The following PHACTR1 variants were observed in gnomAD, a reference collection of about 807,000 sequenced individuals.
PHACTR1 encodes the protein phosphatase and actin regulator 1.
Under a neutral mutation model 69.2 loss-of-function variants are expected in PHACTR1, and 16 were observed. The ratio of observed to expected loss-of-function variants is 0.23; its 90% CI spans 0.16 to 0.35. The LOEUF (loss-of-function observed/expected upper bound fraction) is 0.35, where lower values mean the gene tolerates loss of function less well. Among genes scored for constraint, PHACTR1 ranks in the 10% least tolerant of loss-of-function variants. PHACTR1 has a pLI of 1.00. For missense variants in PHACTR1, 510 were observed against 734.7 expected, an observed-to-expected ratio of 0.69 and a Z score of 3.54; for synonymous variants, 312 against 284.5, an observed-to-expected ratio of 1.10 and a Z score of -0.97.
At chr6:13,105,183 G>T (rs1469577362) in intron 5 of PHACTR1, among the ~76,000 whole-genome samples, 3 of 152,156 alleles carry the variant, frequency 2.0e-5, no homozygotes, top group Non-Finnish European at 4.4e-5. Context: ...TTTGAGACCA[G>T]CCTGGGCAAC....
rs4053019 is a variant in PHACTR1 at position 13,179,405 on chromosome 6, C to CGTGTGTGTGTGTGTGTGT, written c.497-3091_497-3074dup. 4.4e-4 allele frequency among the ~76,000 whole-genome samples: 62 copies of CGTGTGTGTGTGTGTGTGT among 142,056 alleles called. No individual in the cohort carries two copies. Among genetic ancestry groups the CGTGTGTGTGTGTGTGTGT allele is most frequent in the Admixed American group, 8.6e-4 (12 of 14,002 alleles). 93.2% of individuals were successfully genotyped at this position (142,056 alleles called of 152,430 possible). ...TATACAGCCCATTACATTAATGTTT[C>CGTGTGTGTGTGTGTGTGT]GTGTGTGTGTGTGTGTGTGTGTGTG... is the stretch of plus-strand genomic sequence containing the variant. On this transcript the variant is annotated intron_variant, in intron 6 of 14. Transcript: ENST00000332995. The surrounding 1 kb of genome is among the most constrained non-coding windows in gnomAD (Gnocchi z 4.2).
intron 4 of PHACTR1, among the ~76,000 whole-genome samples, chr6:12,891,815 C>T (rs924918578): frequency 6.6e-6 from 1 of 152,136 alleles, no homozygotes; most frequent in African/African-American, 2.4e-5. Context: ...GAGATCAAAC[C>T]AGCCTTGAAT....
intron 7 of PHACTR1, chr6:13,185,023 C>T: frequency 7.4e-7 from 1 of 1,344,056 alleles, no homozygotes. Context: ...CAGACGTCTT[C>T]TGGGGCAAGC....
chr6:12,969,093 C>T (rs760992023), intron 4 of PHACTR1, among the ~76,000 whole-genome samples: 2 of 152,062 alleles, frequency 1.3e-5, no homozygotes, highest in African/African-American at 2.4e-5. Flanking sequence ...TCATGACCCT[C>T]GACAGCCTTT....
intron 4 of PHACTR1, among the ~76,000 whole-genome samples, chr6:12,912,032 C>G (rs569977718): frequency 6.6e-6 from 1 of 152,220 alleles, no homozygotes; most frequent in African/African-American, 2.4e-5. Context: ...GAATCTCGCT[C>G]TGTCACCCAG....
intron 5 of PHACTR1, among the ~76,000 whole-genome samples, chr6:13,065,341 T>C (rs1190269622): frequency 6.6e-6 from 1 of 151,300 alleles, no homozygotes; most frequent in African/African-American, 2.4e-5. Context: ...AGAAGACAGA[T>C]GGCCCACTGG....
intron 4 of PHACTR1, among the ~76,000 whole-genome samples, chr6:13,015,788 C>G (rs1289885558): frequency 6.6e-6 from 1 of 152,242 alleles, no homozygotes; most frequent in Non-Finnish European, 1.5e-5. Context: ...CACAGTTCTT[C>G]TTGAAACGTG....
chr6:12,768,245 G>T (rs1207755503), intron 4 of PHACTR1, among the ~76,000 whole-genome samples: 1 of 151,298 alleles, frequency 6.6e-6, no homozygotes, highest in East Asian at 2.0e-4. Context: ...CTCCGGAGAA[G>T]CTGGGACTAC....
At chr6:12,759,088 C>T (rs1431056926) in intron 4 of PHACTR1, among the ~76,000 whole-genome samples, 4 of 138,592 alleles carry the variant, frequency 2.9e-5, no homozygotes, top group African/African-American at 1.1e-4. Flanking sequence ...CATGCCATTG[C>T]ACTCCAGCTG....
At chr6:12,976,279 C>A (rs1290564717) in intron 4 of PHACTR1, among the ~76,000 whole-genome samples, 2 of 152,160 alleles carry the variant, frequency 1.3e-5, no homozygotes, top group Non-Finnish European at 2.9e-5. Flanking sequence ...AGGTTTAACT[C>A]CTTTAGGAAA....
chr6:13,148,256 T>C (rs1823747199), intron 5 of PHACTR1, among the ~76,000 whole-genome samples: 1 of 151,934 alleles, frequency 6.6e-6, no homozygotes, highest in Admixed American at 6.6e-5. Context: ...ATATATGCTA[T>C]AATTGCATTG....
chr6:12,925,829 C>G (rs1026278701), intron 4 of PHACTR1, among the ~76,000 whole-genome samples: 1 of 152,148 alleles, frequency 6.6e-6, no homozygotes, highest in Non-Finnish European at 1.5e-5. Context: ...TCTCCCATTT[C>G]CCTGCAACCC....
At chr6:13,030,548 G>T (rs1455549190) in intron 4 of PHACTR1, among the ~76,000 whole-genome samples, 37 of 152,174 alleles carry the variant, frequency 2.4e-4, no homozygotes. Flanking sequence ...TCAATTAATT[G>T]CTTGGCTTTG....
At chr6:12,908,403 A>G (rs1785988079) in intron 4 of PHACTR1, among the ~76,000 whole-genome samples, 1 of 152,198 alleles carries the variant, frequency 6.6e-6, no homozygotes, top group Non-Finnish European at 1.5e-5. Flanking sequence ...GATAAATAGG[A>G]TGGAAAGCTT....
At chr6:13,036,136 C>CA (rs143732239) in intron 4 of PHACTR1, among the ~76,000 whole-genome samples, 33,911 of 142,672 alleles carry the variant, frequency 0.24, 4,667 homozygotes, top group East Asian at 0.36. Context: ...CCCCGCATTC[C>CA]AAAAAAAAAA....
At chr6:12,745,219 C>T (rs912374487) in intron 3 of PHACTR1, among the ~76,000 whole-genome samples, 60 of 152,166 alleles carry the variant, frequency 3.9e-4, no homozygotes, top group African/African-American at 1.4e-3. Flanking sequence ...TCTTCCATAG[C>T]AGTTGGATGT....
intron 4 of PHACTR1, among the ~76,000 whole-genome samples, chr6:12,932,077 A>T (rs1163212513): frequency 6.6e-6 from 1 of 152,130 alleles, no homozygotes; most frequent in African/African-American, 2.4e-5. Context: ...AATCTGTGTT[A>T]AATAAGTCTT....
chr6:13,086,570 G>T (rs141475427), intron 5 of PHACTR1, among the ~76,000 whole-genome samples: 3,483 of 152,164 alleles, frequency 0.023, 52 homozygotes, highest in Non-Finnish European at 0.035. Flanking sequence ...CCAGAATGTG[G>T]TAAGAATGGA....
chr6:12,917,705 C>T (rs138678099), intron 4 of PHACTR1, among the ~76,000 whole-genome samples: 83 of 152,188 alleles, frequency 5.5e-4, no homozygotes, highest in South Asian at 5.4e-3. Context: ...CAGTGAATTA[C>T]GACTGTGCCA....
Sources: gnomAD v4.1 joint callset for allele counts (sites outside exome capture counted in the v4.1 genomes callset) on GRCh38, gnomAD v4.1.1 for gene constraint, Gnocchi (gnomAD v3.1) non-coding constraint, MANE v1.5 for transcripts, NCBI Gene and HGNC (gene_info 2026-07-23, HGNC 2026-07-21) for gene names.